Variants in NIPA1 observed in about 807,000 individuals in gnomAD.
The protein encoded by NIPA1 is NIPA magnesium transporter 1.
In NIPA1, 13 loss-of-function variants were observed where a neutral mutation model predicts 23.9. That is an observed-to-expected ratio of 0.54 (90% CI 0.35 to 0.87). The LOEUF (loss-of-function observed/expected upper bound fraction) is 0.87, where lower values mean the gene tolerates loss of function less well. NIPA1 is among the 40% of genes least tolerant of loss of function. NIPA1 has a pLI of 0.01. For synonymous variants in NIPA1, 234 were observed against 202.9 expected, an observed-to-expected ratio of 1.15 and a Z score of -1.30; for missense variants, 362 against 429.7, an observed-to-expected ratio of 0.84 and a Z score of 1.39.
intron 4 of NIPA1, among the ~76,000 whole-genome samples, chr15:22,822,649 C>T (rs1339575941): frequency 2.0e-5 from 3 of 152,026 alleles, no homozygotes; most frequent in Non-Finnish European, 2.9e-5. Flanking sequence ...GCCAACATGG[C>T]GAAACCCCGT....
At chr15:22,799,530 C>G (rs371550782) in intron 1 of NIPA1, among the ~76,000 whole-genome samples, 1 of 152,030 alleles carries the variant, frequency 6.6e-6, no homozygotes, top group Non-Finnish European at 1.5e-5. Context: ...CACCTGTAAT[C>G]CCAGCACTTT....
intron 2 of NIPA1, 181 bp downstream of exon 2, chr15:22,810,977 C>G (rs1895304489): frequency 7.9e-6 from 5 of 634,600 alleles, no homozygotes; most frequent in Non-Finnish European, 1.4e-5. Context: ...CCAGGGCACT[C>G]TCCCTGCTCC....
intron 1 of NIPA1, among the ~76,000 whole-genome samples, chr15:22,806,871 C>T (rs1302445646): frequency 6.6e-6 from 1 of 152,128 alleles, no homozygotes; most frequent in Admixed American, 6.6e-5. Context: ...TCCTGCAGGG[C>T]AGAACAGGGG....
intron 3 of NIPA1, among the ~76,000 whole-genome samples, chr15:22,816,375 G>T (rs1261734901): frequency 6.6e-6 from 1 of 150,614 alleles, no homozygotes; most frequent in African/African-American, 2.4e-5. Flanking sequence ...TTTTAGTAGA[G>T]ACGGGGTTTC....
chr15:22,814,156 A>G, intron 3 of NIPA1: 1 of 1,230,036 alleles, frequency 8.1e-7, no homozygotes, highest in Non-Finnish European at 1.1e-6. Context: ...GAATCCCAGT[A>G]AGACCTTTTC....
chr15:22,823,491 C>T (rs766492504), intron 4 of NIPA1, among the ~76,000 whole-genome samples: 4 of 152,204 alleles, frequency 2.6e-5, no homozygotes, highest in Non-Finnish European at 5.9e-5. Context: ...TGAGCCACCG[C>T]GTCTGGCTAA....
At chr15:22,797,398 G>C (rs1894960960) in intron 1 of NIPA1, among the ~76,000 whole-genome samples, 1 of 151,910 alleles carries the variant, frequency 6.6e-6, no homozygotes, top group Non-Finnish European at 1.5e-5. Flanking sequence ...ACATTGAGTA[G>C]AGACGGGGTT....
Position 22,820,203 on chromosome 15 carries a change from G to A in NIPA1, c.318-110G>A. On this transcript the variant is annotated intron_variant, in intron 3 of 4. Coordinates refer to ENST00000337435, the MANE Select transcript of NIPA1 (RefSeq NM_144599.5). ...CAGAGTGGGAGGTGGTCTCTTAAAG[G>A]GAAAAAAAGAAGAAAAAGAAAATGG... 6 of 811,488 alleles carry A rather than the reference G, an allele frequency of 7.4e-6. 1 individual carries two copies. In the South Asian group the frequency reaches 9.0e-5, roughly 12 times the overall value. The allele number at this position is 811,488 out of a possible 1,614,324, so 50.3% of individuals were successfully genotyped here.
rs1895682249 is a variant in NIPA1 at position 22,827,855 on chromosome 15, A to T, written c.*3616A>T. The stretch of plus-strand genomic sequence containing the variant: ...CACCTGGTCCGTGGAAACAGGTGTG[A>T]TGGGCACAGGCTGCTGCCCTTCTGT... On this transcript the variant is annotated 3_prime_UTR_variant, in exon 5 of 5. Coordinates refer to ENST00000337435, the MANE Select transcript of NIPA1 (RefSeq NM_144599.5). 1 of 152,164 alleles carries T rather than the reference A, an allele frequency of 6.6e-6. No homozygotes were observed. Among genetic ancestry groups the T allele is most frequent in the Non-Finnish European group, 1.5e-5 (1 of 68,076 alleles). The allele number at this position is 152,164 out of a possible 1,614,324, so 9.4% of individuals were successfully genotyped here.
chr15:22,787,278 C>T (rs867663382), intron 1 of NIPA1, among the ~76,000 whole-genome samples: 2 of 152,160 alleles, frequency 1.3e-5, no homozygotes, highest in South Asian at 4.1e-4. Flanking sequence ...CTGGAAGCGC[C>T]GCTTCAGCCG....
At chr15:22,807,782 T>TTGTG (rs71117484) in intron 1 of NIPA1, among the ~76,000 whole-genome samples, 10,977 of 145,888 alleles carry the variant, frequency 0.075, 734 homozygotes, top group African/African-American at 0.18. Context: ...TTAAATTCAC[T>TTGTG]TGTGTGTGTG....
intron 3 of NIPA1, 128 bp downstream of exon 3, chr15:22,812,381 G>T: frequency 1.4e-6 from 1 of 718,502 alleles, no homozygotes; most frequent in Non-Finnish European, 2.5e-6. Context: ...GCCGGGCATG[G>T]TGGCTTACGC....
At chr15:22,802,409 A>AT (rs1316281160) in intron 1 of NIPA1, among the ~76,000 whole-genome samples, 1 of 150,916 alleles carries the variant, frequency 6.6e-6, no homozygotes, top group Non-Finnish European at 1.5e-5. Flanking sequence ...AAAAAAAAAA[A>AT]TTTAAACCAC....
chr15:22,818,254 T>G (rs1333251428), intron 3 of NIPA1, among the ~76,000 whole-genome samples: 1 of 150,422 alleles, frequency 6.6e-6, no homozygotes, highest in African/African-American at 2.4e-5. Flanking sequence ...CTGGCCAACA[T>G]GGTAAAACTC....
At chr15:22,787,936 G>A (rs1441153496) in intron 1 of NIPA1, among the ~76,000 whole-genome samples, 1 of 152,076 alleles carries the variant, frequency 6.6e-6, no homozygotes, top group African/African-American at 2.4e-5. Flanking sequence ...TAAAGTGAAA[G>A]CATAGTGGTC....
chr15:22,795,978 C>T (rs1250151540), intron 1 of NIPA1, among the ~76,000 whole-genome samples: 1 of 152,064 alleles, frequency 6.6e-6, no homozygotes, highest in Non-Finnish European at 1.5e-5. Flanking sequence ...GTCGCCCAGG[C>T]TGGAGTACAT....
intron 1 of NIPA1, among the ~76,000 whole-genome samples, chr15:22,802,065 G>T (rs1317224279): frequency 6.6e-6 from 1 of 152,118 alleles, no homozygotes; most frequent in Non-Finnish European, 1.5e-5. Flanking sequence ...GGTCAGCATT[G>T]TGTGGGCTAA....
At chr15:22,817,237 G>A (rs1197047560) in intron 3 of NIPA1, among the ~76,000 whole-genome samples, 1 of 147,208 alleles carries the variant, frequency 6.8e-6, no homozygotes, top group East Asian at 2.0e-4. Context: ...CAGTGGCTCA[G>A]GCCTGTAATC....
chr15:22,822,579 A>G (rs903782510), intron 4 of NIPA1, among the ~76,000 whole-genome samples: 1 of 152,174 alleles, frequency 6.6e-6, no homozygotes, highest in African/African-American at 2.4e-5. Flanking sequence ...CTGTAATCCC[A>G]ACACTTTGGG....
Sources: allele counts gnomAD v4.1 joint callset (sites outside exome capture counted in the v4.1 genomes callset), GRCh38; gene constraint gnomAD v4.1.1; transcripts MANE v1.5; gene names NCBI Gene and HGNC (gene_info 2026-07-23, HGNC 2026-07-21).